Variants in COL24A1 observed in about 807,000 individuals in gnomAD.
COL24A1 encodes the protein collagen type XXIV alpha 1 chain.
COL24A1 carries 224 observed loss-of-function variants against 253.9 expected under a neutral mutation model. That is an observed-to-expected ratio of 0.88 (90% CI 0.79 to 0.99). The LOEUF is 0.99. COL24A1 is among the 50% of genes least tolerant of loss of function. The pLI is 0.00. For synonymous variants in COL24A1, 685 were observed against 673.7 expected (o/e 1.02, Z -0.26); for missense variants, 2,131 against 2,068.5 (o/e 1.03, Z -0.59).
At chr1:85,768,185 AAGG>A (rs1382560692) in intron 53 of COL24A1, among the ~76,000 whole-genome samples, 1 of 152,116 alleles carries the variant, frequency 6.6e-6, no homozygotes, top group East Asian at 1.9e-4. Flanking sequence ...TAAGAATAGA[AAGG>A]AGGTTAGTGT....
At chr1:85,999,993 C>T (rs1391959179) in intron 19 of COL24A1, among the ~76,000 whole-genome samples, 5 of 152,158 alleles carry the variant, frequency 3.3e-5, no homozygotes, top group Non-Finnish European at 5.9e-5. Flanking sequence ...TCACTCTGTG[C>T]CAACACACAA....
intron 56 of COL24A1, among the ~76,000 whole-genome samples, chr1:85,745,104 T>C (rs1386999621): frequency 2.0e-5 from 3 of 152,048 alleles, no homozygotes; most frequent in African/African-American, 7.2e-5. Context: ...CATTGAATCA[T>C]TAGAGTTTAA....
chr1:86,063,632 T>TG, intron 8 of COL24A1, 83 bp downstream of exon 8: 1 of 1,000,672 alleles, frequency 1.0e-6, no homozygotes, highest in African/African-American at 1.7e-5. Flanking sequence ...ATTGAAAAAA[T>TG]GGGGGAAAAT....
chr1:85,869,815 T>A (rs1032399300), intron 35 of COL24A1, among the ~76,000 whole-genome samples: 2 of 152,056 alleles, frequency 1.3e-5, no homozygotes, highest in Non-Finnish European at 2.9e-5. Flanking sequence ...CCAGCTAACA[T>A]CATAATGACA....
chr1:85,973,095 A>G (rs933457914), intron 20 of COL24A1, among the ~76,000 whole-genome samples: 2 of 152,204 alleles, frequency 1.3e-5, no homozygotes, highest in African/African-American at 4.8e-5. Flanking sequence ...TCAGAATTCA[A>G]AGTGAAAGAT....
chr1:86,040,521 A>G (rs1699398697), intron 12 of COL24A1, among the ~76,000 whole-genome samples: 1 of 133,690 alleles, frequency 7.5e-6, no homozygotes, highest in African/African-American at 2.9e-5. Context: ...CACCCTGAAG[A>G]TAATTGCCAT....
chr1:86,138,130 A>C (rs1650525163), intron 2 of COL24A1, among the ~76,000 whole-genome samples: 1 of 152,162 alleles, frequency 6.6e-6, no homozygotes, highest in South Asian at 2.1e-4. Flanking sequence ...GGACGCTTTA[A>C]ACCCGTGTAT....
At chr1:85,862,505 C>T (rs1324817276) in intron 37 of COL24A1, among the ~76,000 whole-genome samples, 1 of 152,146 alleles carries the variant, frequency 6.6e-6, no homozygotes, top group African/African-American at 2.4e-5. Flanking sequence ...GCCCTGCTAA[C>T]TTAGCATCCC....
At chr1:86,002,784 T>C (rs1695556095) in intron 19 of COL24A1, among the ~76,000 whole-genome samples, 1 of 152,190 alleles carries the variant, frequency 6.6e-6, no homozygotes. Flanking sequence ...TGGTTAGGGA[T>C]ATACTTGAAT....
chr1:85,882,206 A>G (rs954673639), intron 32 of COL24A1, among the ~76,000 whole-genome samples: 21 of 152,098 alleles, frequency 1.4e-4, no homozygotes, highest in African/African-American at 4.3e-4. Flanking sequence ...GGCCGGGCGC[A>G]GTGGCTCACG....
chr1:86,120,108 GA>G (rs1178242228), intron 3 of COL24A1, among the ~76,000 whole-genome samples: 1 of 152,134 alleles, frequency 6.6e-6, no homozygotes, highest in Non-Finnish European at 1.5e-5. Flanking sequence ...GCTGAAACTG[GA>G]TCCCTGCCTT....
intron 22 of COL24A1, among the ~76,000 whole-genome samples, chr1:85,966,364 T>C (rs1254448977): frequency 6.6e-6 from 1 of 152,156 alleles, no homozygotes; most frequent in East Asian, 1.9e-4. Context: ...TAGTTATTTA[T>C]ACAAGTCCAG....
chr1:86,118,070 T>TC lies in COL24A1; in HGVS notation c.1492-2693_1492-2692insG, dbSNP rs1403036507. On this transcript the variant is annotated intron_variant, in intron 3 of 59. Transcript: ENST00000370571. ...AGTAAACAGTAGTCTAATTAACTTT[T>TC]TTTTTTTTTCGAGATGGAGTCTCAC... Among the ~76,000 whole-genome samples, 4 of 151,844 alleles carry TC rather than the reference T, an allele frequency of 2.6e-5. No individual in the cohort carries two copies. In the East Asian group the frequency reaches 5.8e-4, roughly 22 times the overall value.
intron 24 of COL24A1, among the ~76,000 whole-genome samples, 167 bp downstream of exon 24, chr1:85,961,082 A>G (rs568081048): frequency 6.6e-6 from 1 of 152,150 alleles, no homozygotes; most frequent in Non-Finnish European, 1.5e-5. Context: ...CTTTTGTACA[A>G]TAGGTTTTAT....
intron 14 of COL24A1, among the ~76,000 whole-genome samples, chr1:86,029,326 A>G (rs1336988199): frequency 1.3e-5 from 2 of 152,222 alleles, no homozygotes; most frequent in Non-Finnish European, 2.9e-5. Context: ...TATCAGCTAA[A>G]TAGTCATGGG....
chr1:85,774,787 G>A (rs564350634), intron 53 of COL24A1, among the ~76,000 whole-genome samples: 11 of 151,996 alleles, frequency 7.2e-5, no homozygotes, highest in South Asian at 2.1e-4. Context: ...TCTTGCTAGC[G>A]GTCTATCAAT....
At chr1:85,970,176 C>T in intron 22 of COL24A1, 51 bp downstream of exon 22, 1 of 1,428,104 alleles carries the variant, frequency 7.0e-7, no homozygotes, top group Non-Finnish European at 9.5e-7. Flanking sequence ...ATTTATAGAA[C>T]AGCTATTTTC....
chr1:86,044,132 C>G (rs1274595750), intron 12 of COL24A1, among the ~76,000 whole-genome samples: 1 of 152,092 alleles, frequency 6.6e-6, no homozygotes, highest in East Asian at 1.9e-4. Flanking sequence ...AAGATCTTTT[C>G]CTTTTACTGT....
chr1:86,118,909 A>G (rs1458299770), intron 3 of COL24A1, among the ~76,000 whole-genome samples: 1 of 152,166 alleles, frequency 6.6e-6, no homozygotes, highest in Admixed American at 6.5e-5. Flanking sequence ...TAATAGAGCA[A>G]GGGGAAAAGT....
Sources: allele counts gnomAD v4.1 joint callset (sites outside exome capture counted in the v4.1 genomes callset), GRCh38; gene constraint gnomAD v4.1.1; transcripts MANE v1.5; gene names NCBI Gene and HGNC (gene_info 2026-07-23, HGNC 2026-07-21).